LHFPL6: variants seen among roughly 807,000 people sequenced by gnomAD.
The protein encoded by LHFPL6 is LHFPL tetraspan subfamily member 6, also known as LHFPL tetraspan subfamily member 6 protein.
In LHFPL6, 9 loss-of-function variants were observed where a neutral mutation model predicts 20.6. That is an observed-to-expected ratio of 0.44 (90% confidence interval 0.26 to 0.76). The LOEUF (loss-of-function observed/expected upper bound fraction) is 0.76. Among genes scored for constraint, LHFPL6 ranks in the 30% least tolerant of loss-of-function variants. The pLI is 0.20. For synonymous variants in LHFPL6, 105 were observed against 98.7 expected (o/e 1.06, Z -0.38); for missense variants, 218 against 253.5 (o/e 0.86, Z 0.95).
intron 3 of LHFPL6, among the ~76,000 whole-genome samples, chr13:39,369,340 T>G (rs745697510): frequency 1.3e-5 from 2 of 152,052 alleles, no homozygotes; most frequent in Non-Finnish European, 2.9e-5. Context: ...CAAGCCAAAA[T>G]AGACTTGAGA....
At chr13:39,525,764 A>G (rs1870265965) in intron 2 of LHFPL6, among the ~76,000 whole-genome samples, 1 of 152,244 alleles carries the variant, frequency 6.6e-6, no homozygotes. Flanking sequence ...GGAAATGTTC[A>G]TAACTGTATG....
At chr13:39,449,095 A>G (rs1483934458) in intron 2 of LHFPL6, among the ~76,000 whole-genome samples, 1 of 152,218 alleles carries the variant, frequency 6.6e-6, no homozygotes, top group African/African-American at 2.4e-5. Context: ...CTCACAAGCC[A>G]GGGAAGCTTT....
At chr13:39,380,542 G>C (rs113417305) in intron 2 of LHFPL6, among the ~76,000 whole-genome samples, 6 of 145,378 alleles carry the variant, frequency 4.1e-5, no homozygotes, top group Admixed American at 7.1e-5. Flanking sequence ...ACAGAGTCTC[G>C]CACTGTCATC....
chr13:39,460,959 G>A (rs933260655), intron 2 of LHFPL6, among the ~76,000 whole-genome samples: 2 of 152,158 alleles, frequency 1.3e-5, no homozygotes, highest in African/African-American at 4.8e-5. Flanking sequence ...ATACCTGATA[G>A]GTAGTTTTTC....
At chr13:39,531,537 G>A (rs6563721) in intron 2 of LHFPL6, among the ~76,000 whole-genome samples, 122,965 of 152,086 alleles carry the variant, frequency 0.81, 49,955 homozygotes, top group Middle Eastern at 0.87. Context: ...AAGCCTATAC[G>A]CTTGGAAATA....
At chr13:39,353,540 C>T (rs1331012914) in intron 3 of LHFPL6, among the ~76,000 whole-genome samples, 2 of 151,656 alleles carry the variant, frequency 1.3e-5, no homozygotes, top group Non-Finnish European at 2.9e-5. Context: ...TCCTGGCTAA[C>T]ATGGTGAAAC....
chr13:39,475,944 C>T (rs1203337274), intron 2 of LHFPL6, among the ~76,000 whole-genome samples: 1 of 152,042 alleles, frequency 6.6e-6, no homozygotes, highest in East Asian at 1.9e-4. Flanking sequence ...AAGGAAAGAG[C>T]TCCACAATGA....
chr13:39,572,734 C>A (rs558434080), intron 2 of LHFPL6, among the ~76,000 whole-genome samples: 1 of 152,218 alleles, frequency 6.6e-6, no homozygotes, highest in Admixed American at 6.5e-5. Flanking sequence ...TCAGCTGTTG[C>A]ACAAATAGCC....
intron 2 of LHFPL6, among the ~76,000 whole-genome samples, chr13:39,452,183 T>A (rs1872467274): frequency 6.6e-6 from 1 of 151,410 alleles, no homozygotes; most frequent in Non-Finnish European, 1.5e-5. Context: ...CCCACTGGGC[T>A]GCGGAGGGAA....
chr13:39,479,030 TAGATATAG>T (rs1400472433), intron 2 of LHFPL6, among the ~76,000 whole-genome samples: 5 of 127,906 alleles, frequency 3.9e-5, no homozygotes, highest in African/African-American at 8.6e-5. Context: ...CAATGGGAGA[TAGATATAG>T]ATAGATAGAT....
intron 2 of LHFPL6, among the ~76,000 whole-genome samples, chr13:39,562,076 T>TA (rs1396158042): frequency 1.3e-5 from 2 of 152,184 alleles, no homozygotes; most frequent in Non-Finnish European, 2.9e-5. Context: ...ATTTATGCAA[T>TA]AACTCCTACA....
At chr13:39,559,827 T>C (rs1163782251) in intron 2 of LHFPL6, among the ~76,000 whole-genome samples, 2 of 152,250 alleles carry the variant, frequency 1.3e-5, no homozygotes, top group Admixed American at 1.3e-4. Context: ...ATGTGTTTTA[T>C]TGAATTAAAT....
chr13:39,546,716 C>T (rs1870993514), intron 2 of LHFPL6, among the ~76,000 whole-genome samples: 1 of 152,084 alleles, frequency 6.6e-6, no homozygotes, highest in Admixed American at 6.5e-5. Context: ...GCCAATCAAC[C>T]ACCAAGTATT....
intron 2 of LHFPL6, among the ~76,000 whole-genome samples, chr13:39,389,035 C>T (rs1488234267): frequency 6.6e-6 from 1 of 152,210 alleles, no homozygotes; most frequent in African/African-American, 2.4e-5. Flanking sequence ...CCAAGCCGTG[C>T]ATAGACAGAG....
chr13:39,373,740 A>C (rs1263066089), intron 3 of LHFPL6, among the ~76,000 whole-genome samples: 1 of 152,192 alleles, frequency 6.6e-6, no homozygotes, highest in Non-Finnish European at 1.5e-5. Context: ...TTTGTAAATA[A>C]AGTTTAATTG....
intron 2 of LHFPL6, among the ~76,000 whole-genome samples, chr13:39,442,739 C>T (rs143315835): frequency 1.3e-5 from 2 of 152,112 alleles, no homozygotes; most frequent in East Asian, 1.9e-4. Flanking sequence ...TTTGCCTTGT[C>T]TTTGTTCTCC....
intron 2 of LHFPL6, among the ~76,000 whole-genome samples, chr13:39,390,956 C>A (rs544768815): frequency 1.1e-3 from 167 of 152,262 alleles, no homozygotes; most frequent in African/African-American, 3.7e-3. Context: ...GAGATCGCGC[C>A]ACTGCGCTCC....
At chr13:39,460,412 CT>C (rs1872662864) in intron 2 of LHFPL6, among the ~76,000 whole-genome samples, 1 of 152,140 alleles carries the variant, frequency 6.6e-6, no homozygotes, top group Non-Finnish European at 1.5e-5. Context: ...ATTAAAGGTG[CT>C]TTTGACACAA....
chr13:39,539,422 TC>T (rs936870113), intron 2 of LHFPL6, among the ~76,000 whole-genome samples: 1 of 152,162 alleles, frequency 6.6e-6, no homozygotes, highest in Non-Finnish European at 1.5e-5. Context: ...TGATCTCTGG[TC>T]CTGGAGCTGA....
Sources: allele counts gnomAD v4.1 joint callset (sites outside exome capture counted in the v4.1 genomes callset), GRCh38; gene constraint gnomAD v4.1.1; transcripts MANE v1.5; gene names NCBI Gene and HGNC (gene_info 2026-07-23, HGNC 2026-07-21).